Variants in KCNQ1OT1 observed in about 807,000 individuals in gnomAD.
KCNQ1OT1 encodes the protein KCNQ1 antisense RNA 2 (non-protein coding).
chr11:2,699,957 C>T (rs886696905), exon 1 of KCNQ1OT1: 2 of 398,282 alleles, frequency 5.0e-6, no homozygotes, highest in Non-Finnish European at 8.9e-6. Context: ...TGAGGAGCTC[C>T]CTGGAGGTCC....
chr11:2,609,139 A>G, exon 1 of KCNQ1OT1: 1 of 398,072 alleles, frequency 2.5e-6, no homozygotes, highest in Non-Finnish European at 4.4e-6. Context: ...TTGAAGCCTT[A>G]TTTTTTGATA....
exon 1 of KCNQ1OT1, chr11:2,680,533 T>C (rs1850378427): frequency 1.0e-5 from 4 of 398,484 alleles, no homozygotes; most frequent in African/African-American, 8.2e-5. Flanking sequence ...TGTACATTTC[T>C]CATGCAGTTC....
rs1849676557 is a variant in KCNQ1OT1 at position 2,647,008 on chromosome 11, A to G, written n.52987T>C. 1 of 398,382 alleles carries G rather than the reference A, an allele frequency of 2.5e-6. No individual in the cohort carries two copies. The highest frequency in any genetic ancestry group is 2.1e-5 in the African/African-American group (1 of 48,602). 24.7% of individuals were successfully genotyped at this position (398,382 alleles called of 1,614,324 possible). On this transcript the variant is annotated non_coding_transcript_exon_variant, in exon 1 of 1. Coordinates refer to ENST00000597346, the Ensembl canonical transcript of KCNQ1OT1. The surrounding 1 kb of genome is among the most constrained non-coding windows in gnomAD (Gnocchi z 4.0). ...TACTTGCCTAATTGTTCTGGTGAGG[A>G]CTTTTCTTACTCTGCTGAATAAGAA... is the stretch of plus-strand genomic sequence containing the variant.
chr11:2,624,627 A>G lies in KCNQ1OT1; in HGVS notation n.75368T>C, dbSNP rs1216162234. On this transcript the variant is annotated non_coding_transcript_exon_variant, in exon 1 of 1. Coordinates refer to ENST00000597346, the Ensembl canonical transcript of KCNQ1OT1. This position sits in a 1 kb window ranked among gnomAD's most constrained non-coding sequence, Gnocchi z 4.9. ...CCTAACCAATTTTAGTGTACAATTC[A>G]GTGAATGTATTAGATACGTTCACAA... 5.5e-5 allele frequency: 22 copies of G among 398,464 alleles called. No individual in the cohort carries two copies. The highest frequency in any genetic ancestry group is 9.3e-5 in the Non-Finnish European group (21 of 226,044). The allele number at this position is 398,464 out of a possible 1,614,324, so 24.7% of individuals were successfully genotyped here.
Position 2,698,597 on chromosome 11 carries a change from C to T in KCNQ1OT1, n.1398G>A, listed in dbSNP as rs1214044594. ...GAATCCCCACCTAGAGGCAGAACTT[C>T]GACTTCAATTCCTGACTCCCATACC... On this transcript the variant is annotated non_coding_transcript_exon_variant, in exon 1 of 1. Transcript: ENST00000597346. The surrounding 1 kb of genome is among the most constrained non-coding windows in gnomAD (Gnocchi z 5.1). 2.5e-6 allele frequency: 1 copy of T among 398,584 alleles called. No homozygotes were observed. Among genetic ancestry groups the T allele is most frequent in the Non-Finnish European group, 4.4e-6 (1 of 226,080 alleles). The allele number at this position is 398,584 out of a possible 1,614,324, so 24.7% of individuals were successfully genotyped here. A position where few individuals can be genotyped will look rare whatever the true frequency, so the allele number is the denominator to read the frequency against.
rs1438899352 is a variant in KCNQ1OT1 at position 2,620,595 on chromosome 11, G to C, written n.79400C>G. On this transcript the variant is annotated non_coding_transcript_exon_variant, in exon 1 of 1. Transcript: ENST00000597346. The surrounding 1 kb of genome is among the most constrained non-coding windows in gnomAD (Gnocchi z 4.5). The stretch of plus-strand genomic sequence containing the variant: ...TTTCTTTATCCAATCCACCACTGAT[G>C]GGCATCTAAGTGGATTCCATGTCTT... 2.0e-5 allele frequency: 8 copies of C among 397,344 alleles called. No homozygotes were observed. In the East Asian group the frequency reaches 2.9e-4, roughly 14 times the overall value. 24.6% of individuals were successfully genotyped at this position (397,344 alleles called of 1,614,324 possible).
At chr11:2,643,785 C>T (rs1271856975) in exon 1 of KCNQ1OT1, 2 of 398,448 alleles carry the variant, frequency 5.0e-6, no homozygotes, top group African/African-American at 2.1e-5. Flanking sequence ...AGTGTAGTGG[C>T]AATTAATTCC....
In KCNQ1OT1 at chr11:2,668,037, T is replaced by G; in HGVS notation, n.31958A>C. The G allele has an allele frequency of 2.5e-6, 1 of 398,598 alleles. No individual in the cohort carries two copies. Among genetic ancestry groups the G allele is most frequent in the Non-Finnish European group, 4.4e-6 (1 of 226,072 alleles). 24.7% of individuals were successfully genotyped at this position (398,598 alleles called of 1,614,324 possible). ...TAACTGCTAGCAGCAAGGACCAGCT[T>G]TGCCCACATTTGAACTTTATGCGGT... On this transcript the variant is annotated non_coding_transcript_exon_variant, in exon 1 of 1. Coordinates refer to ENST00000597346, the Ensembl canonical transcript of KCNQ1OT1. The surrounding 1 kb of genome is among the most constrained non-coding windows in gnomAD (Gnocchi z 4.3).
Position 2,671,669 on chromosome 11 carries a change from C to T in KCNQ1OT1, n.28326G>A. ...CTGCTGGGGAAACTGAGGCAGAGAG[C>T]AGGGGTGACTTTGCAAGGCAATAGA... On this transcript the variant is annotated non_coding_transcript_exon_variant, in exon 1 of 1. Transcript: ENST00000597346. The surrounding 1 kb of genome is among the most constrained non-coding windows in gnomAD (Gnocchi z 4.7). The T allele has an allele frequency of 5.0e-6, 2 of 398,508 alleles. No individual in the cohort carries two copies. Among genetic ancestry groups the T allele is most frequent in the Non-Finnish European group, 8.8e-6 (2 of 226,094 alleles). The allele number at this position is 398,508 out of a possible 1,614,324, so 24.7% of individuals were successfully genotyped here.
At chr11:2,656,565 C>A in exon 1 of KCNQ1OT1, 1 of 398,678 alleles carries the variant, frequency 2.5e-6, no homozygotes. Flanking sequence ...TGCTCATCAG[C>A]CTTTTGGATT....
chr11:2,669,661 A>G lies in KCNQ1OT1; in HGVS notation n.30334T>C, dbSNP rs1850146093. 1 of 398,592 alleles carries G rather than the reference A, an allele frequency of 2.5e-6. No individual in the cohort carries two copies. Among genetic ancestry groups the G allele is most frequent in the Non-Finnish European group, 4.4e-6 (1 of 226,070 alleles). 24.7% of individuals were successfully genotyped at this position (398,592 alleles called of 1,614,324 possible). On this transcript the variant is annotated non_coding_transcript_exon_variant, in exon 1 of 1. Coordinates refer to ENST00000597346, the Ensembl canonical transcript of KCNQ1OT1. This position sits in a 1 kb window ranked among gnomAD's most constrained non-coding sequence, Gnocchi z 5.6. ...CTTGTATACATTGGGAGTATATCTCACAGTATTAGTGTAAGGCCTTGAGGA... is the reference window on the plus strand; with the variant it reads ...CTTGTATACATTGGGAGTATATCTCGCAGTATTAGTGTAAGGCCTTGAGGA...
At chr11:2,625,031 GC>G in exon 1 of KCNQ1OT1, 1 of 398,530 alleles carries the variant, frequency 2.5e-6, no homozygotes, top group Non-Finnish European at 4.4e-6. Flanking sequence ...TGTAAATAAT[GC>G]CACTACAATC....
chr11:2,663,789 T>C lies in KCNQ1OT1; in HGVS notation n.36206A>G, dbSNP rs1850012599. ...CACAGCCAAACTTGCAGCTGCCCAG[T>C]AAATCACCACTATGGGGGTGAGGGC... On this transcript the variant is annotated non_coding_transcript_exon_variant, in exon 1 of 1. Coordinates refer to ENST00000597346, the Ensembl canonical transcript of KCNQ1OT1. The surrounding 1 kb of genome is among the most constrained non-coding windows in gnomAD (Gnocchi z 5.2). The C allele has an allele frequency of 2.5e-6, 1 of 398,564 alleles. No homozygotes were observed. The highest frequency in any genetic ancestry group is 1.3e-4 in the South Asian group (1 of 7,862). 24.7% of individuals were successfully genotyped at this position (398,564 alleles called of 1,614,324 possible).
chr11:2,619,422 G>T, exon 1 of KCNQ1OT1: 2 of 398,526 alleles, frequency 5.0e-6, no homozygotes, highest in Non-Finnish European at 8.8e-6. Context: ...TGTGTCAATT[G>T]AGATGATCAT....
chr11:2,640,528 C>T (rs1280021447), exon 1 of KCNQ1OT1: 1 of 396,734 alleles, frequency 2.5e-6, no homozygotes, highest in Non-Finnish European at 4.4e-6. Flanking sequence ...TCAAGCGATC[C>T]TTCTGCCTTG....
chr11:2,659,064 C>T lies in KCNQ1OT1; in HGVS notation n.40931G>A, dbSNP rs948474816. 3 of 398,490 alleles carry T rather than the reference C, an allele frequency of 7.5e-6. No individual in the cohort carries two copies. Among genetic ancestry groups the T allele is most frequent in the African/African-American group, 2.1e-5 (1 of 48,626 alleles). The allele number at this position is 398,490 out of a possible 1,614,324, so 24.7% of individuals were successfully genotyped here. A position where few individuals can be genotyped will look rare whatever the true frequency, so the allele number is the denominator to read the frequency against. On this transcript the variant is annotated non_coding_transcript_exon_variant, in exon 1 of 1. Transcript: ENST00000597346. The surrounding 1 kb of genome is among the most constrained non-coding windows in gnomAD (Gnocchi z 4.3). ...CTATGTCATTTGTTTGTAACACGCT[C>T]ATCATAGTCTGCTTTTCATCGTAGG...
In KCNQ1OT1 at chr11:2,698,501, C is replaced by G. The variant is rs186124276; in HGVS notation, n.1494G>C. 2.8e-4 allele frequency: 111 copies of G among 398,630 alleles called. No homozygotes were observed. The highest frequency in any genetic ancestry group is 1.4e-3 in the Admixed American group (31 of 22,738). 24.7% of individuals were successfully genotyped at this position (398,630 alleles called of 1,614,324 possible). On this transcript the variant is annotated non_coding_transcript_exon_variant, in exon 1 of 1. Coordinates refer to ENST00000597346, the Ensembl canonical transcript of KCNQ1OT1. The surrounding 1 kb of genome is among the most constrained non-coding windows in gnomAD (Gnocchi z 5.1). ...GACCAAGAGACTTCTACCACTACCT[C>G]TCACCTGGCAGGTGATCACCACCCC... is the stretch of plus-strand genomic sequence containing the variant.
rs1849273796 is a variant in KCNQ1OT1 at position 2,627,114 on chromosome 11, T to A, written n.72881A>T. 1 of 398,470 alleles carries A rather than the reference T, an allele frequency of 2.5e-6. No individual in the cohort carries two copies. 24.7% of individuals were successfully genotyped at this position (398,470 alleles called of 1,614,324 possible). A position where few individuals can be genotyped will look rare whatever the true frequency, so the allele number is the denominator to read the frequency against. ...TTCTTTCAGCATTGTTTTGTAATTT[T>A]CATTGTACAAGACTTTCACCTCCTT... On this transcript the variant is annotated non_coding_transcript_exon_variant, in exon 1 of 1. Coordinates refer to ENST00000597346, the Ensembl canonical transcript of KCNQ1OT1. This position sits in a 1 kb window ranked among gnomAD's most constrained non-coding sequence, Gnocchi z 4.9.
chr11:2,653,478 C>G lies in KCNQ1OT1; in HGVS notation n.46517G>C, dbSNP rs1264449029. ...CTCACACAGCTGGACCCAGCTGTTT[C>G]AGACACAGCTGGACCCCAGAGCTGA... is the stretch of plus-strand genomic sequence containing the variant. On this transcript the variant is annotated non_coding_transcript_exon_variant, in exon 1 of 1. Coordinates refer to ENST00000597346, the Ensembl canonical transcript of KCNQ1OT1. The surrounding 1 kb of genome is among the most constrained non-coding windows in gnomAD (Gnocchi z 5.3). 2.5e-6 allele frequency: 1 copy of G among 397,566 alleles called. No individual in the cohort carries two copies. Among genetic ancestry groups the G allele is most frequent in the Non-Finnish European group, 4.4e-6 (1 of 225,958 alleles). 24.6% of individuals were successfully genotyped at this position (397,566 alleles called of 1,614,324 possible). A position where few individuals can be genotyped will look rare whatever the true frequency, so the allele number is the denominator to read the frequency against.
Sources: gnomAD v4.1 joint callset for allele counts on GRCh38, gnomAD v4.1.1 for gene constraint, Gnocchi (gnomAD v3.1) non-coding constraint, MANE v1.5 for transcripts, NCBI Gene and HGNC (gene_info 2026-07-23, HGNC 2026-07-21) for gene names.